The following CTNNA2 variants were observed in gnomAD, a reference collection of about 807,000 sequenced individuals.
The protein encoded by CTNNA2 is catenin alpha 2.
CTNNA2 carries 42 observed loss-of-function variants against 101.0 expected under a neutral mutation model. The observed-to-expected ratio is 0.42, with a 90% CI of 0.32 to 0.54. The LOEUF (loss-of-function observed/expected upper bound fraction) is 0.54. Ranked by LOEUF, CTNNA2 falls within the 20% of genes least tolerant of loss-of-function variation. The pLI is 0.14. For synonymous variants in CTNNA2, 450 were observed against 456.4 expected, an observed-to-expected ratio of 0.99 and a Z score of 0.18; for missense variants, 871 against 1,223.1, an observed-to-expected ratio of 0.71 and a Z score of 4.29.
At chr2:80,610,233 C>A (rs772003147) in intron 17 of CTNNA2, among the ~76,000 whole-genome samples, 12 of 151,582 alleles carry the variant, frequency 7.9e-5, no homozygotes, top group Non-Finnish European at 1.6e-4. Flanking sequence ...GCTGTCTTTG[C>A]CAATTCTGCC....
At chr2:80,200,519 AGTTTGTTT>A (rs112399723) in intron 7 of CTNNA2, among the ~76,000 whole-genome samples, 46 of 151,086 alleles carry the variant, frequency 3.0e-4, no homozygotes, top group African/African-American at 7.1e-4. Flanking sequence ...TATTAAAGTG[AGTTTGTTT>A]GTTTGTTTGT....
At chr2:79,235,542 C>G (rs1236972810) in intron 2 of CTNNA2, among the ~76,000 whole-genome samples, 1 of 152,150 alleles carries the variant, frequency 6.6e-6, no homozygotes, top group Non-Finnish European at 1.5e-5. Flanking sequence ...CAGTGCTCCC[C>G]CAGGCAGAGG....
At chr2:79,547,337 TTGTTTG>T (rs1238949281) in intron 1 of CTNNA2, 5 of 152,164 alleles carry the variant, frequency 3.3e-5, no homozygotes, top group Non-Finnish European at 7.4e-5. Context: ...ATATGAGAAA[TTGTTTG>T]ATACTTTATG....
chr2:79,424,848 T>C (rs1678576142), intron 4 of CTNNA2, among the ~76,000 whole-genome samples: 1 of 152,168 alleles, frequency 6.6e-6, no homozygotes, highest in South Asian at 2.1e-4. Context: ...TGTCTAGTGG[T>C]AAGCATATTT....
chr2:79,216,288 G>C (rs1252183567), intron 2 of CTNNA2, among the ~76,000 whole-genome samples: 4 of 151,470 alleles, frequency 2.6e-5, no homozygotes, highest in African/African-American at 9.7e-5. Flanking sequence ...AGGAGGAATG[G>C]AGGGTGGAAG....
intron 7 of CTNNA2, among the ~76,000 whole-genome samples, chr2:79,911,302 T>C (rs1017167635): frequency 6.6e-6 from 1 of 152,212 alleles, no homozygotes; most frequent in Non-Finnish European, 1.5e-5. Flanking sequence ...GGAATTTGGT[T>C]TTACATTAAG....
At chr2:79,835,787 C>T (rs183206809) in intron 3 of CTNNA2, among the ~76,000 whole-genome samples, 49 of 145,942 alleles carry the variant, frequency 3.4e-4, no homozygotes, top group South Asian at 6.7e-4. Context: ...CATGTGCCAC[C>T]ATACCCAGCT....
chr2:80,066,149 A>G (rs1213496143), intron 7 of CTNNA2, among the ~76,000 whole-genome samples: 1 of 152,172 alleles, frequency 6.6e-6, no homozygotes, highest in Non-Finnish European at 1.5e-5. Context: ...GACTTGTGTA[A>G]CTCAAAAAGA....
intron 7 of CTNNA2, among the ~76,000 whole-genome samples, chr2:80,031,844 G>A (rs1457329033): frequency 6.6e-6 from 1 of 152,182 alleles, no homozygotes; most frequent in East Asian, 1.9e-4. Flanking sequence ...TCTACAGATA[G>A]TGACTAAGCA....
At chr2:79,751,728 G>A (rs982153323) in intron 3 of CTNNA2, among the ~76,000 whole-genome samples, 37 of 151,998 alleles carry the variant, frequency 2.4e-4, no homozygotes, top group African/African-American at 8.7e-4. Flanking sequence ...CTATCTACCT[G>A]GCTGGCTTCT....
chr2:80,280,865 G>C (rs113535964), intron 7 of CTNNA2, among the ~76,000 whole-genome samples: 1 of 152,128 alleles, frequency 6.6e-6, no homozygotes, highest in Non-Finnish European at 1.5e-5. Context: ...GATGCATATA[G>C]GGTTTGACAC....
chr2:80,244,357 T>A (rs1490070004), intron 7 of CTNNA2, among the ~76,000 whole-genome samples: 2 of 152,240 alleles, frequency 1.3e-5, no homozygotes, highest in Non-Finnish European at 2.9e-5. Flanking sequence ...GTTCTGACCA[T>A]AGTCATTTAG....
At chr2:80,418,956 AT>A (rs1680274981) in intron 8 of CTNNA2, among the ~76,000 whole-genome samples, 1 of 152,186 alleles carries the variant, frequency 6.6e-6, no homozygotes, top group Admixed American at 6.5e-5. Flanking sequence ...AGATTGTTAG[AT>A]GTTTCATGTT....
intron 7 of CTNNA2, among the ~76,000 whole-genome samples, chr2:80,111,001 A>G (rs890563496): frequency 3.3e-5 from 5 of 152,178 alleles, no homozygotes; most frequent in African/African-American, 1.2e-4. Context: ...GGGGAAGCAA[A>G]CATGTCCTTC....
chr2:79,341,221 A>G (rs150452550), intron 3 of CTNNA2, among the ~76,000 whole-genome samples: 19 of 152,324 alleles, frequency 1.2e-4, no homozygotes, highest in African/African-American at 4.6e-4. Flanking sequence ...TGGGAATATA[A>G]TAGTGAATAA....
chr2:79,324,717 C>T (rs1676704091), intron 3 of CTNNA2, among the ~76,000 whole-genome samples: 1 of 148,072 alleles, frequency 6.8e-6, no homozygotes, highest in Non-Finnish European at 1.5e-5. Flanking sequence ...AGAGTGCACA[C>T]ACACCCACTA....
intron 2 of CTNNA2, among the ~76,000 whole-genome samples, chr2:79,228,460 T>C (rs531699961): frequency 1.3e-5 from 2 of 152,332 alleles, no homozygotes; most frequent in South Asian, 4.1e-4. Context: ...TGGTGTAAGA[T>C]GCTATTTCAT....
chr2:79,382,653 G>A (rs993954870), intron 4 of CTNNA2, among the ~76,000 whole-genome samples: 5 of 151,850 alleles, frequency 3.3e-5, no homozygotes, highest in South Asian at 2.1e-4. Context: ...TCGCTCTGTC[G>A]CCCAGGCTGG....
At chr2:79,982,341 T>TATATAAC (rs1462985674) in intron 7 of CTNNA2, among the ~76,000 whole-genome samples, 1 of 103,148 alleles carries the variant, frequency 9.7e-6, no homozygotes, top group African/African-American at 3.7e-5. Context: ...ATATAAAACA[T>TATATAAC]ATATAACCTA....
Sources: gnomAD v4.1 joint callset for allele counts (sites outside exome capture counted in the v4.1 genomes callset) on GRCh38, gnomAD v4.1.1 for gene constraint, MANE v1.5 for transcripts, NCBI Gene and HGNC (gene_info 2026-07-23, HGNC 2026-07-21) for gene names.